The following KIF6 variants were observed in gnomAD, a reference collection of about 807,000 sequenced individuals.
The protein encoded by KIF6 is kinesin family member 6.
In KIF6, 106 loss-of-function variants were observed where a neutral mutation model predicts 112.7. The ratio of observed to expected loss-of-function variants is 0.94; its 90% CI spans 0.80 to 1.11. KIF6 has a LOEUF of 1.11. KIF6 is among the 50% of genes least tolerant of loss of function. The pLI is 0.00. For synonymous variants in KIF6, 339 were observed against 339.9 expected, an observed-to-expected ratio of 1.00 and a Z score of 0.03; for missense variants, 929 against 964.0, an observed-to-expected ratio of 0.96 and a Z score of 0.48.
At chr6:39,575,781 G>T (rs183819608) in intron 10 of KIF6, among the ~76,000 whole-genome samples, 149 of 152,154 alleles carry the variant, frequency 9.8e-4, no homozygotes, top group African/African-American at 3.2e-3. Flanking sequence ...GCTGTTCCTA[G>T]CCCTCTCCTG....
chr6:39,361,139 CA>C (rs1472604672), intron 17 of KIF6, among the ~76,000 whole-genome samples: 3 of 152,086 alleles, frequency 2.0e-5, no homozygotes, highest in Non-Finnish European at 4.4e-5. Context: ...TATAATGAAT[CA>C]GAAATTGTCC....
chr6:39,568,073 GTGCTAGGTAC>G (rs1487567750), intron 10 of KIF6, among the ~76,000 whole-genome samples: 1 of 152,230 alleles, frequency 6.6e-6, no homozygotes, highest in Admixed American at 6.5e-5. Context: ...GAGAGCCCAT[GTGCTAGGTAC>G]TGCTTTAGGT....
chr6:39,653,955 C>T (rs543087544), intron 3 of KIF6, among the ~76,000 whole-genome samples: 3 of 152,254 alleles, frequency 2.0e-5, no homozygotes, highest in South Asian at 4.1e-4. Context: ...AGCAGTTTCC[C>T]GTGTCCTTTT....
rs546451209 is a variant in KIF6 at position 39,385,535 on chromosome 6, G to A, written c.1861+87C>T. The A allele has an allele frequency of 1.5e-5, 17 of 1,128,780 alleles. No homozygotes were observed. In the South Asian group the frequency reaches 1.7e-4, roughly 12 times the overall value. 69.9% of individuals were successfully genotyped at this position (1,128,780 alleles called of 1,614,324 possible). The stretch of plus-strand genomic sequence containing the variant: ...TAACCTCAGAGAGGGTTTTAAATGG[G>A]TTATCTTTTAGCTGGGTTTGGATTC... On this transcript the variant is annotated intron_variant, in intron 16 of 22. Coordinates refer to ENST00000287152, the MANE Select transcript of KIF6 (RefSeq NM_145027.6).
chr6:39,485,171 A>G (rs1228682346), intron 13 of KIF6, among the ~76,000 whole-genome samples: 1 of 152,186 alleles, frequency 6.6e-6, no homozygotes, highest in African/African-American at 2.4e-5. Context: ...ACTTTCTGGT[A>G]GTGAAGCTGG....
At chr6:39,578,196 C>T (rs370210341) in intron 9 of KIF6, 37 bp from the exon 10 acceptor site, 49 of 1,342,208 alleles carry the variant, frequency 3.7e-5, no homozygotes, top group Non-Finnish European at 5.1e-5. Context: ...ATGTCAACTT[C>T]TCATTAAGGT....
intron 5 of KIF6, among the ~76,000 whole-genome samples, chr6:39,622,363 GTTTGT>G (rs1045876694): frequency 5.9e-5 from 8 of 136,734 alleles, no homozygotes; most frequent in Non-Finnish European, 7.4e-5. Context: ...TAGAAATTTT[GTTTGT>G]TTTAACACAT....
intron 13 of KIF6, among the ~76,000 whole-genome samples, chr6:39,435,210 T>C (rs181497149): frequency 1.3e-5 from 2 of 152,280 alleles, no homozygotes; most frequent in Non-Finnish European, 2.9e-5. Context: ...ACCCATGAGA[T>C]CGTACTCTTA....
intron 3 of KIF6, among the ~76,000 whole-genome samples, chr6:39,693,614 A>G (rs531135753): frequency 2.5e-4 from 38 of 152,332 alleles, no homozygotes; most frequent in African/African-American, 8.4e-4. Flanking sequence ...AGACTGAAAC[A>G]GGAAGAAACA....
chr6:39,487,253 T>C (rs965072502), intron 13 of KIF6, among the ~76,000 whole-genome samples: 3 of 152,320 alleles, frequency 2.0e-5, no homozygotes, highest in Admixed American at 6.5e-5. Flanking sequence ...ATGGATACTG[T>C]GGGTGTCAGC....
chr6:39,599,367 A>G (rs1782456204), intron 6 of KIF6, among the ~76,000 whole-genome samples: 1 of 152,230 alleles, frequency 6.6e-6, no homozygotes. Context: ...CAATTCAACC[A>G]GAAATTCTTT....
chr6:39,519,964 G>A (rs951448072), intron 13 of KIF6, among the ~76,000 whole-genome samples: 3 of 152,186 alleles, frequency 2.0e-5, no homozygotes, highest in African/African-American at 7.2e-5. Flanking sequence ...AGAGGTTGCA[G>A]TGACCCAAGA....
chr6:39,454,668 G>C (rs886815990), intron 13 of KIF6, among the ~76,000 whole-genome samples: 16 of 152,150 alleles, frequency 1.1e-4, no homozygotes, highest in African/African-American at 3.4e-4. Flanking sequence ...TGCGCACACC[G>C]TGCGCGAGCC....
At chr6:39,429,700 C>A (rs555084685) in intron 14 of KIF6, among the ~76,000 whole-genome samples, 1 of 152,138 alleles carries the variant, frequency 6.6e-6, no homozygotes, top group Non-Finnish European at 1.5e-5. Flanking sequence ...ACGAGGTCAG[C>A]AGATGAGACC....
intron 13 of KIF6, among the ~76,000 whole-genome samples, chr6:39,536,765 A>T (rs1284614713): frequency 6.6e-6 from 1 of 152,130 alleles, no homozygotes; most frequent in Non-Finnish European, 1.5e-5. Flanking sequence ...ACAACCAAAA[A>T]AGAGAATTTT....
intron 13 of KIF6, among the ~76,000 whole-genome samples, chr6:39,465,274 T>A (rs910100931): frequency 6.6e-6 from 1 of 152,230 alleles, no homozygotes; most frequent in African/African-American, 2.4e-5. Flanking sequence ...CATGGCAAGA[T>A]GCATCTTTGG....
intron 6 of KIF6, among the ~76,000 whole-genome samples, chr6:39,597,100 T>C (rs1782317774): frequency 6.6e-6 from 1 of 152,106 alleles, no homozygotes; most frequent in South Asian, 2.1e-4. Flanking sequence ...AATGCACCAT[T>C]TCATAGATGG....
chr6:39,342,594 G>GTT lies in KIF6; in HGVS notation c.2428+1113_2428+1114dup, dbSNP rs1443982685. 6.4e-5 allele frequency among the ~76,000 whole-genome samples: 8 copies of GTT among 124,378 alleles called. No homozygotes were observed. The highest frequency in any genetic ancestry group is 8.7e-5 in the African/African-American group (2 of 22,876). 81.6% of individuals were successfully genotyped at this position (124,378 alleles called of 152,430 possible). A position where few individuals can be genotyped will look rare whatever the true frequency, so the allele number is the denominator to read the frequency against. On this transcript the variant is annotated intron_variant, in intron 22 of 22. Transcript: ENST00000287152. This position sits in a 1 kb window ranked among gnomAD's most constrained non-coding sequence, Gnocchi z 4.7. The stretch of plus-strand genomic sequence containing the variant: ...GGGGACTTGGAGATCACTGAATCCA[G>GTT]TTTTTTATTTTTTTTTATTTTTTTT...
At chr6:39,457,360 C>T (rs1773191545) in intron 13 of KIF6, among the ~76,000 whole-genome samples, 1 of 146,056 alleles carries the variant, frequency 6.8e-6, no homozygotes, top group African/African-American at 2.6e-5. Flanking sequence ...CTCTGGGACA[C>T]ATTCAAAGCA....
Sources: gnomAD v4.1 joint callset for allele counts (sites outside exome capture counted in the v4.1 genomes callset) on GRCh38, gnomAD v4.1.1 for gene constraint, Gnocchi (gnomAD v3.1) non-coding constraint, MANE v1.5 for transcripts, NCBI Gene and HGNC (gene_info 2026-07-23, HGNC 2026-07-21) for gene names.